The following HMGA2 variants were observed in gnomAD, a reference collection of about 807,000 sequenced individuals.
HMGA2 encodes the protein high mobility group AT-hook 2, also known as high mobility group protein HMGI-C.
In HMGA2, 8 loss-of-function variants were observed where a neutral mutation model predicts 19.1. That is an observed-to-expected ratio of 0.42 (90% CI 0.25 to 0.76). HMGA2 has a LOEUF of 0.76. Among genes scored for constraint, HMGA2 ranks in the 30% least tolerant of loss-of-function variants. HMGA2 has a pLI of 0.28. For missense variants in HMGA2, 109 were observed against 136.3 expected (o/e 0.80, Z 1.00); for synonymous variants, 60 against 48.8 (o/e 1.23, Z -0.96).
intron 2 of HMGA2, among the ~76,000 whole-genome samples, chr12:65,836,563 T>C (rs1033895358): frequency 6.6e-6 from 1 of 152,068 alleles, no homozygotes; most frequent in African/African-American, 2.4e-5. Context: ...AAAGCTAAAA[T>C]GGAAGAGCAG....
chr12:65,870,665 G>A (rs888751401), intron 3 of HMGA2, among the ~76,000 whole-genome samples: 3 of 152,212 alleles, frequency 2.0e-5, no homozygotes, highest in African/African-American at 7.2e-5. Flanking sequence ...CGAGGTTGAG[G>A]TTTCAGTGAG....
At chr12:65,834,610 C>T (rs1442419465) in intron 2 of HMGA2, among the ~76,000 whole-genome samples, 1 of 149,224 alleles carries the variant, frequency 6.7e-6, no homozygotes, top group Non-Finnish European at 1.5e-5. Context: ...CTCCCTCCCT[C>T]CGTTCCTCCC....
intron 4 of HMGA2, chr12:65,951,906 G>C (rs1876473064): frequency 5.9e-6 from 1 of 168,864 alleles, no homozygotes; most frequent in African/African-American, 2.4e-5. Flanking sequence ...CTAACGTGCA[G>C]ACTGATGCAT....
At chr12:65,887,390 C>A (rs879342163) in intron 3 of HMGA2, among the ~76,000 whole-genome samples, 3 of 152,158 alleles carry the variant, frequency 2.0e-5, no homozygotes, top group Non-Finnish European at 4.4e-5. Context: ...GAGTTCAAAA[C>A]CAGCCTGGCA....
intron 3 of HMGA2, among the ~76,000 whole-genome samples, chr12:65,885,911 T>C (rs1350789906): frequency 6.6e-6 from 1 of 152,208 alleles, no homozygotes; most frequent in Non-Finnish European, 1.5e-5. Flanking sequence ...GAACCCTTAG[T>C]TCCGGGAACT....
At chr12:65,832,836 A>T (rs192530623) in intron 2 of HMGA2, among the ~76,000 whole-genome samples, 2 of 152,104 alleles carry the variant, frequency 1.3e-5, no homozygotes, top group Admixed American at 1.3e-4. Flanking sequence ...GTTTGCTCAG[A>T]AGGTAACTCC....
At chr12:65,955,062 T>G (rs1876565965) in intron 4 of HMGA2, 1 of 152,244 alleles carries the variant, frequency 6.6e-6, no homozygotes, top group Admixed American at 6.5e-5. Flanking sequence ...CCATCTATAA[T>G]CCCAGCTACT....
At chr12:65,904,549 C>T (rs1274425492) in intron 3 of HMGA2, among the ~76,000 whole-genome samples, 6 of 152,100 alleles carry the variant, frequency 3.9e-5, no homozygotes, top group Non-Finnish European at 7.4e-5. Context: ...ATGAATAAAA[C>T]AAGGTGCAAG....
intron 3 of HMGA2, chr12:65,842,873 G>T: frequency 1.6e-6 from 2 of 1,284,190 alleles, no homozygotes; most frequent in Non-Finnish European, 2.0e-6. Context: ...TTAGAGAGTG[G>T]GGCTCAGGCT....
chr12:65,853,446 G>A (rs1255649679), intron 3 of HMGA2, among the ~76,000 whole-genome samples: 1 of 152,142 alleles, frequency 6.6e-6, no homozygotes, highest in African/African-American at 2.4e-5. Context: ...GGGGCTGAAA[G>A]TACATAAGTT....
chr12:65,892,106 G>A (rs1873935834), intron 3 of HMGA2, among the ~76,000 whole-genome samples: 1 of 152,216 alleles, frequency 6.6e-6, no homozygotes, highest in African/African-American at 2.4e-5. Flanking sequence ...GTCTTGGCTG[G>A]AGGACAGAGG....
intron 3 of HMGA2, chr12:65,855,944 A>G (rs1201185742): frequency 6.6e-6 from 1 of 151,930 alleles, no homozygotes; most frequent in Non-Finnish European, 1.5e-5. Flanking sequence ...ATATCTACGA[A>G]TTACAAGTGA....
intron 3 of HMGA2, chr12:65,914,601 A>T (rs1874996797): frequency 3.8e-6 from 1 of 263,370 alleles, no homozygotes; most frequent in African/African-American, 2.2e-5. Context: ...TATGTAACTA[A>T]CCTGCACAAT....
chr12:65,838,998 C>CTTTTTTTTTCTTTT (rs1870869570), intron 3 of HMGA2, among the ~76,000 whole-genome samples: 1 of 107,230 alleles, frequency 9.3e-6, no homozygotes, highest in Non-Finnish European at 1.7e-5. Flanking sequence ...TTTTCTTTTT[C>CTTTTTTTTTCTTTT]TTTTTTTTTT....
chr12:65,843,477 A>C (rs914918683), intron 3 of HMGA2: 1 of 193,148 alleles, frequency 5.2e-6, no homozygotes, highest in Non-Finnish European at 1.1e-5. Context: ...TGATGATTTG[A>C]GGATCGAGAA....
At chr12:65,866,762 T>C in intron 3 of HMGA2, 1 of 453,736 alleles carries the variant, frequency 2.2e-6, no homozygotes, top group South Asian at 1.6e-5. Context: ...ATTCTTCTTT[T>C]CAGCAGTGCC....
chr12:65,903,342 A>G (rs1171346967), intron 3 of HMGA2, among the ~76,000 whole-genome samples: 1 of 152,250 alleles, frequency 6.6e-6, no homozygotes, highest in Non-Finnish European at 1.5e-5. Context: ...GCTAGAAAAT[A>G]AAGGGACATG....
chr12:65,955,182 C>T (rs1876571121), intron 4 of HMGA2: 1 of 152,006 alleles, frequency 6.6e-6, no homozygotes, highest in Non-Finnish European at 1.5e-5. Flanking sequence ...GACTCCATCT[C>T]AAAAGAAAGA....
intron 4 of HMGA2, chr12:65,958,991 G>C (rs757718119): frequency 1.9e-4 from 29 of 152,204 alleles, no homozygotes; most frequent in Non-Finnish European, 3.2e-4. Context: ...GAATTCACTG[G>C]CCTCTTCTAC....
Sources: gnomAD v4.1 joint callset for allele counts (sites outside exome capture counted in the v4.1 genomes callset) on GRCh38, gnomAD v4.1.1 for gene constraint, MANE v1.5 for transcripts, NCBI Gene and HGNC (gene_info 2026-07-23, HGNC 2026-07-21) for gene names.